NRXN3: variants seen among roughly 807,000 people sequenced by gnomAD.
The protein encoded by NRXN3 is neurexin 3, also known as neurexin III.
NRXN3 carries 32 observed loss-of-function variants against 137.6 expected under a neutral mutation model. That is an observed-to-expected ratio of 0.23 (90% CI 0.18 to 0.31). The LOEUF is 0.31. NRXN3 is among the 10% of genes least tolerant of loss of function. The probability of loss-of-function intolerance (pLI) is 1.00; values close to 1 mark genes in which losing one functional copy is unlikely to be tolerated. For synonymous variants in NRXN3, 798 were observed against 784.5 expected, an observed-to-expected ratio of 1.02 and a Z score of -0.29; for missense variants, 1,574 against 2,062.5, an observed-to-expected ratio of 0.76 and a Z score of 4.59.
chr14:79,538,562 G>A (rs578201455), intron 16 of NRXN3, among the ~76,000 whole-genome samples: 5 of 152,040 alleles, frequency 3.3e-5, no homozygotes, highest in Admixed American at 1.3e-4. Flanking sequence ...ATAGGGAATC[G>A]TTTCCCCACT....
At chr14:78,527,549 C>T (rs1003145266) in intron 4 of NRXN3, among the ~76,000 whole-genome samples, 2 of 152,194 alleles carry the variant, frequency 1.3e-5, no homozygotes, top group Non-Finnish European at 2.9e-5. Context: ...GGTGGGGACA[C>T]AGATCCAAAC....
rs547704723 is a variant in NRXN3, at chr14:78,181,051, C to G, written c.-704+10377C>G. Among the ~76,000 whole-genome samples the G allele has an allele frequency of 2.0e-5, 3 of 152,336 alleles. No homozygotes were observed. In the East Asian group the frequency reaches 5.8e-4, roughly 29 times the overall value. On this transcript the variant is annotated intron_variant, in intron 1 of 20. Coordinates refer to ENST00000335750, the MANE Select transcript of NRXN3 (RefSeq NM_001330195.2). ...AGGCTTGCTAACTGATAGTTTGGAA[C>G]AGCCTCTCCTGCAAAGCAGGTGTTG...
intron 19 of NRXN3, among the ~76,000 whole-genome samples, chr14:79,712,336 C>CT (rs968762605): frequency 6.6e-6 from 1 of 152,186 alleles, no homozygotes; most frequent in Non-Finnish European, 1.5e-5. Context: ...CCCACACACA[C>CT]TTTTTTACCT....
chr14:79,344,509 T>C (rs1032329377), intron 15 of NRXN3, among the ~76,000 whole-genome samples: 1 of 152,226 alleles, frequency 6.6e-6, no homozygotes, highest in Non-Finnish European at 1.5e-5. Context: ...ATGGTTTACA[T>C]GAAAGAACTA....
chr14:78,218,651 A>T (rs966227445), intron 1 of NRXN3, among the ~76,000 whole-genome samples: 1 of 152,236 alleles, frequency 6.6e-6, no homozygotes, highest in Non-Finnish European at 1.5e-5. Context: ...CACAATTCTA[A>T]TTCATAGCAT....
At chr14:78,388,313 G>A (rs2090272101) in intron 4 of NRXN3, among the ~76,000 whole-genome samples, 3 of 152,274 alleles carry the variant, frequency 2.0e-5, no homozygotes, top group Non-Finnish European at 2.9e-5. Context: ...CAGGAAAATG[G>A]AGCCTACAGC....
At chr14:78,456,644 A>C (rs73316436) in intron 4 of NRXN3, among the ~76,000 whole-genome samples, 3,414 of 151,732 alleles carry the variant, frequency 0.023, 118 homozygotes, top group African/African-American at 0.073. Context: ...TCCTTCTTCC[A>C]CTGTCCTAAA....
intron 4 of NRXN3, among the ~76,000 whole-genome samples, chr14:78,372,320 A>ATTT (rs2087000525): frequency 6.8e-6 from 1 of 147,036 alleles, no homozygotes; most frequent in Non-Finnish European, 1.5e-5. Context: ...TATTATTATT[A>ATTT]TACTTTAAGT....
chr14:79,436,578 T>C (rs1215858395), intron 15 of NRXN3, among the ~76,000 whole-genome samples: 2 of 152,152 alleles, frequency 1.3e-5, no homozygotes, highest in East Asian at 3.9e-4. Context: ...CATTCCCAAA[T>C]CCCCACATTA....
chr14:78,545,059 G>T (rs2096625065), intron 4 of NRXN3, among the ~76,000 whole-genome samples: 2 of 152,182 alleles, frequency 1.3e-5, no homozygotes, highest in Non-Finnish European at 2.9e-5. Flanking sequence ...GATAGTTTTA[G>T]ATGTTGTTTT....
chr14:79,492,452 G>A (rs113131058), intron 16 of NRXN3, among the ~76,000 whole-genome samples: 3,249 of 152,038 alleles, frequency 0.021, 152 homozygotes, highest in East Asian at 0.17. Context: ...GCGCCATCTC[G>A]CCTTACCACA....
chr14:78,194,652 G>A (rs1470079256), intron 1 of NRXN3, among the ~76,000 whole-genome samples: 1 of 152,194 alleles, frequency 6.6e-6, no homozygotes, highest in Non-Finnish European at 1.5e-5. Context: ...TGCTGCGGGT[G>A]GGTTAGAAGG....
At chr14:78,692,682 G>A (rs141279453) in intron 6 of NRXN3, among the ~76,000 whole-genome samples, 1 of 152,154 alleles carries the variant, frequency 6.6e-6, no homozygotes, top group African/African-American at 2.4e-5. Context: ...TTGTGAGCTT[G>A]GACAAGTCAT....
intron 20 of NRXN3, among the ~76,000 whole-genome samples, chr14:79,816,583 A>G (rs2099252168): frequency 6.6e-6 from 1 of 152,174 alleles, no homozygotes; most frequent in African/African-American, 2.4e-5. Context: ...TGAACAGGAT[A>G]TTTCTTAGGT....
At chr14:79,771,003 T>G (rs370644436) in intron 19 of NRXN3, among the ~76,000 whole-genome samples, 39 of 151,996 alleles carry the variant, frequency 2.6e-4, no homozygotes, top group East Asian at 1.4e-3. Context: ...ACACCTCTAC[T>G]CAAATAAACT....
At chr14:78,670,299 T>C (rs1328576179) in intron 6 of NRXN3, among the ~76,000 whole-genome samples, 1 of 152,232 alleles carries the variant, frequency 6.6e-6, no homozygotes, top group Non-Finnish European at 1.5e-5. Flanking sequence ...CTTGCTATTG[T>C]GAATAGTGCC....
At chr14:79,053,861 A>G (rs911833602) in intron 15 of NRXN3, among the ~76,000 whole-genome samples, 1 of 151,138 alleles carries the variant, frequency 6.6e-6, no homozygotes, top group Admixed American at 6.6e-5. Flanking sequence ...CATCATGCCA[A>G]GTCTTCTATG....
intron 20 of NRXN3, among the ~76,000 whole-genome samples, chr14:79,809,138 A>G (rs768968182): frequency 2.6e-5 from 4 of 152,252 alleles, no homozygotes; most frequent in Non-Finnish European, 4.4e-5. Flanking sequence ...ACAGAACTTT[A>G]TATCTCTAAC....
intron 19 of NRXN3, among the ~76,000 whole-genome samples, chr14:79,784,898 G>T (rs535551450): frequency 2.6e-4 from 39 of 152,240 alleles, no homozygotes; most frequent in Non-Finnish European, 5.3e-4. Context: ...TCACTCTGCG[G>T]GGCTTTATTG....
Sources: allele counts gnomAD v4.1 joint callset (sites outside exome capture counted in the v4.1 genomes callset), GRCh38; gene constraint gnomAD v4.1.1; transcripts MANE v1.5; gene names NCBI Gene and HGNC (gene_info 2026-07-23, HGNC 2026-07-21).